ABCB10: variants seen among roughly 807,000 people sequenced by gnomAD.
The protein encoded by ABCB10 is ATP-binding cassette sub-family B member 10, mitochondrial.
Under a neutral mutation model 65.4 loss-of-function variants are expected in ABCB10, and 54 were observed. The ratio of observed to expected loss-of-function variants is 0.83; its 90% CI spans 0.66 to 1.04. The LOEUF (loss-of-function observed/expected upper bound fraction) is 1.04. Among genes scored for constraint, ABCB10 ranks in the 50% least tolerant of loss-of-function variants. ABCB10 has a pLI of 0.00. For synonymous variants in ABCB10, 418 were observed against 406.5 expected (o/e 1.03, Z -0.34); for missense variants, 846 against 976.6 (o/e 0.87, Z 1.78).
intron 8 of ABCB10, among the ~76,000 whole-genome samples, chr1:229,529,025 C>T (rs1270203635): frequency 6.6e-6 from 1 of 152,146 alleles, no homozygotes; most frequent in African/African-American, 2.4e-5. Flanking sequence ...GGCGCGGTGG[C>T]TCACGCCTGT....
intron 6 of ABCB10, among the ~76,000 whole-genome samples, chr1:229,537,000 G>C (rs1308396576): frequency 6.6e-6 from 1 of 151,420 alleles, no homozygotes; most frequent in Non-Finnish European, 1.5e-5. Flanking sequence ...CTACAATATA[G>C]ATGAACTTTG....
intron 1 of ABCB10, among the ~76,000 whole-genome samples, chr1:229,557,784 A>AT (rs906627567): frequency 1.1e-4 from 16 of 151,772 alleles, no homozygotes; most frequent in Admixed American, 1.3e-4. Context: ...TTTGGCTAGA[A>AT]TTTTTTTTTC....
chr1:229,557,978 G>A (rs913599810), intron 1 of ABCB10, among the ~76,000 whole-genome samples, 158 bp downstream of exon 1: 11 of 152,236 alleles, frequency 7.2e-5, no homozygotes, highest in Admixed American at 5.9e-4. Flanking sequence ...CTACTCTGAG[G>A]TGAGCGATCC....
rs116771999 is a variant in ABCB10, at chr1:229,541,631, T to C, written c.1056+606A>G. Among the ~76,000 whole-genome samples, 951 of 152,272 alleles carry C rather than the reference T, an allele frequency of 6.2e-3. 10 individuals carry two copies. The highest frequency in any genetic ancestry group is 0.022 in the African/African-American group (910 of 41,554). On this transcript the variant is annotated intron_variant, in intron 4 of 12. Coordinates refer to ENST00000344517, the MANE Select transcript of ABCB10 (RefSeq NM_012089.3). ...ACTATTTTCAAAACCTGATTAACTG[T>C]TTTGTCCTATAACAAATAGTGATAG...
chr1:229,553,164 G>A (rs1340255308), intron 1 of ABCB10, among the ~76,000 whole-genome samples: 2 of 151,948 alleles, frequency 1.3e-5, no homozygotes, highest in Admixed American at 1.3e-4. Context: ...GTTGCCCAGT[G>A]CAATGGCGCA....
Position 229,530,406 on chromosome 1 carries a change from C to T in ABCB10, c.1438G>A (p.Gly480Arg). The T allele has an allele frequency of 6.2e-7, 1 of 1,613,808 alleles. No individual in the cohort carries two copies. The highest frequency in any genetic ancestry group is 1.6e-4 in the Middle Eastern group (1 of 6,062). The change falls in exon 8 of 13, where the codon GGG (glycine) becomes AGG (arginine). Residue 480 changes from glycine (G) to arginine (R), a missense_variant and splice_region_variant. Gly to Arg is a moderately radical substitution (Grantham distance 125). Around this residue, in one of 2 missense-constraint regions of ABCB10, gnomAD observed 632 missense variants for 803.2 expected, o/e 0.79. Coordinates refer to ENST00000344517, the MANE Select transcript of ABCB10 (RefSeq NM_012089.3). ...AAGCTTTTCTCATTTAAGATGACCC[C>T]CTCTGAAACATAAAATGGAATATTA... ...EREPKLPFNE[G>R]VILNEKSFQG...
In ABCB10 at chr1:229,518,428, A is replaced by G; in HGVS notation, c.1986-18T>C. ...CCAGCGCACTGACACAGGAGCACAC[A>G]CACAAGAAAGCAAAGACGTCAGTGA... On this transcript the variant is annotated intron_variant, in intron 12 of 12. Coordinates refer to ENST00000344517, the MANE Select transcript of ABCB10 (RefSeq NM_012089.3). The G allele has an allele frequency of 6.2e-7, 1 of 1,608,688 alleles. No individual in the cohort carries two copies. Among genetic ancestry groups the G allele is most frequent in the Non-Finnish European group, 8.5e-7 (1 of 1,175,120 alleles).
intron 7 of ABCB10, 50 bp from the exon 8 acceptor site, chr1:229,530,458 A>C: frequency 3.5e-4 from 552 of 1,592,242 alleles, no homozygotes; most frequent in Middle Eastern, 5.0e-4. Flanking sequence ...AATTAAACTC[A>C]AAAGCTGAAC....
chr1:229,544,811 T>C (rs1331101689), intron 3 of ABCB10, among the ~76,000 whole-genome samples: 1 of 152,210 alleles, frequency 6.6e-6, no homozygotes. Flanking sequence ...TAAGAGACAC[T>C]AGAGCACACT....
intron 10 of ABCB10, 130 bp from the exon 11 acceptor site, chr1:229,521,765 G>C (rs1419568725): frequency 6.2e-6 from 5 of 800,968 alleles, no homozygotes; most frequent in Non-Finnish European, 9.8e-6. Context: ...AGATAGACCA[G>C]AAACCTATTT....
intron 6 of ABCB10, among the ~76,000 whole-genome samples, chr1:229,533,585 C>T (rs761612440): frequency 6.6e-6 from 1 of 152,116 alleles, no homozygotes; most frequent in Non-Finnish European, 1.5e-5. Flanking sequence ...AATTTTTAGG[C>T]TGAATTAAAA....
At chr1:229,522,656 T>C (rs887190234) in intron 10 of ABCB10, among the ~76,000 whole-genome samples, 3 of 152,220 alleles carry the variant, frequency 2.0e-5, no homozygotes, top group Non-Finnish European at 4.4e-5. Context: ...GCAAGGGGTA[T>C]GCTCTTAAAA....
intron 1 of ABCB10, among the ~76,000 whole-genome samples, chr1:229,557,845 C>T (rs1302688377): frequency 6.6e-6 from 1 of 152,164 alleles, no homozygotes; most frequent in Non-Finnish European, 1.5e-5. Flanking sequence ...ACAGATGCTC[C>T]CACTAAGTTG....
At chr1:229,519,529 T>G (rs1210501454) in intron 11 of ABCB10, among the ~76,000 whole-genome samples, 1 of 152,188 alleles carries the variant, frequency 6.6e-6, no homozygotes, top group South Asian at 2.1e-4. Context: ...GGCTCACGAC[T>G]GTAATCCCGG....
rs114610082 is a variant in ABCB10, at chr1:229,533,725, A to G, written c.1340-1994T>C. Among the ~76,000 whole-genome samples, 520 of 152,346 alleles carry G rather than the reference A, an allele frequency of 3.4e-3. 3 individuals are homozygous for G. The highest frequency in any genetic ancestry group is 0.012 in the African/African-American group (504 of 41,590). Reference sequence around the variant, plus strand: ...TAACAAATGGTTCTAGAACAACTGAATATCCACATGCAAAGAAGGAATCTA... The same window carrying G: ...TAACAAATGGTTCTAGAACAACTGAGTATCCACATGCAAAGAAGGAATCTA... On this transcript the variant is annotated intron_variant, in intron 6 of 12. Coordinates refer to ENST00000344517, the MANE Select transcript of ABCB10 (RefSeq NM_012089.3).
chr1:229,546,096 CG>C, intron 3 of ABCB10, among the ~76,000 whole-genome samples: 1 of 148,856 alleles, frequency 6.7e-6, no homozygotes, highest in East Asian at 2.0e-4. Context: ...CACTTGAACC[CG>C]GGAGGAGGAG....
intron 10 of ABCB10, among the ~76,000 whole-genome samples, chr1:229,524,044 T>C (rs10916508): frequency 0.23 from 34,649 of 151,950 alleles, 4,117 homozygotes; most frequent in Middle Eastern, 0.3. Context: ...ATATTTTCTG[T>C]GGTCTAACTT....
At chr1:229,531,793 T>A in intron 6 of ABCB10, 62 bp from the exon 7 acceptor site, 1 of 1,323,398 alleles carries the variant, frequency 7.6e-7, no homozygotes, top group Non-Finnish European at 1.1e-6. Flanking sequence ...TGGCCACCAC[T>A]CCTCTGAGAG....
Position 229,526,102 on chromosome 1 carries a change from A to G in ABCB10, c.1740T>C (p.Phe580=). 6.2e-7 allele frequency: 1 copy of G among 1,609,362 alleles called. No individual in the cohort carries two copies. The highest frequency in any genetic ancestry group is 8.5e-7 in the Non-Finnish European group (1 of 1,178,642). The stretch of plus-strand genomic sequence containing the variant: ...CAATGTTCTCAGCAATAGAGCAAGA[A>G]AACAAAATGGGTTCCTACAAATTGG... ...IGTVSQEPIL[F]SCSIAENIAY... is the part of the protein sequence containing the mutation. The change falls in exon 10 of 13, where the codon TTT becomes TTC. Residue 580 remains phenylalanine, a synonymous_variant. Transcript: ENST00000344517.
Sources: gnomAD v4.1 joint callset for allele counts (sites outside exome capture counted in the v4.1 genomes callset) on GRCh38, gnomAD v4.1.1 for gene constraint, gnomAD v4.1.1 regional missense constraint, MANE v1.5 for transcripts, NCBI Gene and HGNC (gene_info 2026-07-23, HGNC 2026-07-21) for gene names.